Variants in LGR5 observed in about 807,000 individuals in gnomAD.
LGR5 encodes the protein leucine rich repeat containing G protein-coupled receptor 5, also known as leucine-rich repeat-containing G protein-coupled receptor 5.
In LGR5, 54 loss-of-function variants were observed where a neutral mutation model predicts 76.7. The observed-to-expected ratio is 0.70, with a 90% CI of 0.57 to 0.88. The LOEUF (loss-of-function observed/expected upper bound fraction) is 0.88, where lower values mean the gene tolerates loss of function less well. Ranked by LOEUF, LGR5 falls within the 40% of genes least tolerant of loss-of-function variation. The pLI, the probability that LGR5 is intolerant of heterozygous loss-of-function variation, is 0.00. For synonymous variants in LGR5, 406 were observed against 421.9 expected (o/e 0.96, Z 0.46); for missense variants, 1,078 against 1,073.3 (o/e 1.00, Z -0.06).
At chr12:71,458,824 A>AT (rs1364007951) in intron 1 of LGR5, among the ~76,000 whole-genome samples, 1 of 152,034 alleles carries the variant, frequency 6.6e-6, no homozygotes, top group Non-Finnish European at 1.5e-5. Flanking sequence ...GGCAGCAGAA[A>AT]TTTTTTAAAT....
intron 13 of LGR5, among the ~76,000 whole-genome samples, chr12:71,576,297 T>C (rs1878853974): frequency 6.6e-6 from 1 of 152,116 alleles, no homozygotes; most frequent in African/African-American, 2.4e-5. Context: ...CTTACATAGG[T>C]GTTGGCAGGG....
intron 3 of LGR5, among the ~76,000 whole-genome samples, chr12:71,525,886 C>T (rs1029091491): frequency 2.0e-5 from 3 of 150,926 alleles, no homozygotes; most frequent in Non-Finnish European, 4.4e-5. Flanking sequence ...TTATACAAGT[C>T]TTATACTAAT....
At chr12:71,526,296 A>G (rs977453202) in intron 3 of LGR5, among the ~76,000 whole-genome samples, 1 of 152,180 alleles carries the variant, frequency 6.6e-6, no homozygotes, top group African/African-American at 2.4e-5. Context: ...CTTTTTACCC[A>G]GAATGCTCCT....
intron 4 of LGR5, among the ~76,000 whole-genome samples, chr12:71,543,309 C>A (rs1876978819): frequency 6.6e-6 from 1 of 152,176 alleles, no homozygotes. Context: ...GTGGTTCCTG[C>A]AGAGATTTTA....
At chr12:71,482,651 G>A (rs549454471) in intron 1 of LGR5, among the ~76,000 whole-genome samples, 13 of 152,276 alleles carry the variant, frequency 8.5e-5, no homozygotes, top group Non-Finnish European at 1.6e-4. Context: ...ACTGGAAGGA[G>A]GGTGGGTGTT....
chr12:71,575,625 C>T (rs567366699), intron 13 of LGR5, among the ~76,000 whole-genome samples: 5 of 152,138 alleles, frequency 3.3e-5, no homozygotes, highest in South Asian at 2.1e-4. Context: ...GCAGGAGAAT[C>T]GCTTGAACCT....
rs1029018129 is a variant in LGR5, at chr12:71,520,660, T to C, written c.285-3746T>C. 1.8e-4 allele frequency among the ~76,000 whole-genome samples: 25 copies of C among 137,608 alleles called. No homozygotes were observed. The South Asian group carries it at 4.3e-3, about 24-fold the overall frequency. 90.3% of individuals were successfully genotyped at this position (137,608 alleles called of 152,430 possible). On this transcript the variant is annotated intron_variant, in intron 2 of 17. Coordinates refer to ENST00000266674, the MANE Select transcript of LGR5 (RefSeq NM_003667.4). ...CATGTTCTCACTCATAAGTGGGAGT[T>C]GAACAGTGAGAACAGATGGACACAG...
intron 1 of LGR5, among the ~76,000 whole-genome samples, chr12:71,445,706 G>A (rs17109677): frequency 0.023 from 3,554 of 151,404 alleles, 134 homozygotes; most frequent in African/African-American, 0.083. Flanking sequence ...AAACTGGAAC[G>A]GAGAAAAACG....
intron 1 of LGR5, among the ~76,000 whole-genome samples, chr12:71,500,194 T>C (rs80074251): frequency 0.02 from 3,065 of 152,124 alleles, 129 homozygotes; most frequent in African/African-American, 0.071. Flanking sequence ...ACAAAAACAT[T>C]TTTAAGGGAA....
At chr12:71,492,236 G>A (rs1023886602) in intron 1 of LGR5, among the ~76,000 whole-genome samples, 3 of 152,158 alleles carry the variant, frequency 2.0e-5, no homozygotes, top group Non-Finnish European at 4.4e-5. Context: ...AGGTTCAGGA[G>A]GATCAGAGAC....
chr12:71,510,593 C>CATT (rs60291882), intron 2 of LGR5, among the ~76,000 whole-genome samples: 14,024 of 152,130 alleles, frequency 0.092, 673 homozygotes, highest in Non-Finnish European at 0.11. Context: ...TGTGTTTGTT[C>CATT]CATTCATTCA....
intron 1 of LGR5, among the ~76,000 whole-genome samples, chr12:71,453,530 G>T (rs985982275): frequency 6.6e-6 from 1 of 150,420 alleles, no homozygotes; most frequent in Non-Finnish European, 1.5e-5. Context: ...GAAAAATTCA[G>T]GTTGATAGCT....
At chr12:71,461,684 T>C (rs1872689806) in intron 1 of LGR5, among the ~76,000 whole-genome samples, 1 of 152,172 alleles carries the variant, frequency 6.6e-6, no homozygotes, top group South Asian at 2.1e-4. Flanking sequence ...GAAGGCCATA[T>C]TCATTGCCAC....
chr12:71,465,105 T>C (rs1872812182), intron 1 of LGR5, among the ~76,000 whole-genome samples: 1 of 152,168 alleles, frequency 6.6e-6, no homozygotes, highest in Non-Finnish European at 1.5e-5. Context: ...CCTCGAAGTA[T>C]GACCTTGGGC....
At chr12:71,575,715 A>AATAT (rs200654463) in intron 13 of LGR5, among the ~76,000 whole-genome samples, 1 of 127,256 alleles carries the variant, frequency 7.9e-6, no homozygotes, top group East Asian at 2.2e-4. Flanking sequence ...CATCTCAAAA[A>AATAT]ATATATATGT....
At chr12:71,571,052 C>A (rs1459502045) in intron 11 of LGR5, among the ~76,000 whole-genome samples, 1 of 152,124 alleles carries the variant, frequency 6.6e-6, no homozygotes, top group Non-Finnish European at 1.5e-5. Flanking sequence ...TCCGTTCCCC[C>A]ACCTCCTTCT....
chr12:71,568,078 C>A (rs1288970786), intron 11 of LGR5, among the ~76,000 whole-genome samples: 1 of 152,098 alleles, frequency 6.6e-6, no homozygotes, highest in Non-Finnish European at 1.5e-5. Context: ...CCCCATTTCT[C>A]CAGAAAACTG....
At chr12:71,551,658 C>G (rs544024828) in intron 4 of LGR5, among the ~76,000 whole-genome samples, 3 of 152,128 alleles carry the variant, frequency 2.0e-5, no homozygotes, top group Non-Finnish European at 4.4e-5. Flanking sequence ...CACTTCCATA[C>G]GAAAAGTTAG....
At chr12:71,567,832 G>A (rs191233589) in intron 11 of LGR5, among the ~76,000 whole-genome samples, 104 of 152,224 alleles carry the variant, frequency 6.8e-4, no homozygotes, top group African/African-American at 2.5e-3. Flanking sequence ...AGGGAGTATA[G>A]AGCAAATCTT....
Sources: gnomAD v4.1 joint callset for allele counts (sites outside exome capture counted in the v4.1 genomes callset) on GRCh38, gnomAD v4.1.1 for gene constraint, MANE v1.5 for transcripts, NCBI Gene and HGNC (gene_info 2026-07-23, HGNC 2026-07-21) for gene names.